Variants in ESRRG observed in about 807,000 individuals in gnomAD.
The protein encoded by ESRRG is estrogen-related receptor gamma.
A neutral mutation model predicts 44.0 loss-of-function variants in ESRRG; 13 were observed. That is an observed-to-expected ratio of 0.30 (90% CI 0.19 to 0.47). ESRRG has a LOEUF of 0.47. ESRRG is among the 20% of genes least tolerant of loss of function. The pLI is 1.00. For missense variants in ESRRG, 395 were observed against 580.6 expected (o/e 0.68, Z 3.29); for synonymous variants, 215 against 214.6 (o/e 1.00, Z -0.02).
intron 1 of ESRRG, among the ~76,000 whole-genome samples, chr1:217,076,433 G>C (rs560401132): frequency 6.6e-6 from 1 of 152,104 alleles, no homozygotes; most frequent in Non-Finnish European, 1.5e-5. Flanking sequence ...CATTTTTCTC[G>C]GTTGAAGGCA....
chr1:216,989,577 T>C (rs1441420197), intron 1 of ESRRG, among the ~76,000 whole-genome samples: 1 of 152,160 alleles, frequency 6.6e-6, no homozygotes, highest in Non-Finnish European at 1.5e-5. Flanking sequence ...CAATTTTTGA[T>C]AGCATGGATG....
upstream of ESRRG, among the ~76,000 whole-genome samples, chr1:216,724,785 A>G (rs2087145126): frequency 6.6e-6 from 1 of 152,150 alleles, no homozygotes; most frequent in Non-Finnish European, 1.5e-5. Context: ...CTTAGGTCCT[A>G]TTTTAATCTA....
chr1:217,099,818 G>C (rs1445737754), intron 1 of ESRRG, among the ~76,000 whole-genome samples: 1 of 152,144 alleles, frequency 6.6e-6, no homozygotes, highest in Non-Finnish European at 1.5e-5. Flanking sequence ...AGGTCAAAGT[G>C]CTGTGAGCAA....
intron 2 of ESRRG, among the ~76,000 whole-genome samples, chr1:216,739,624 A>T (rs2090412381): frequency 6.6e-6 from 1 of 152,200 alleles, no homozygotes; most frequent in Non-Finnish European, 1.5e-5. Flanking sequence ...GATAGGATTC[A>T]GCAATCTGTG....
intron 2 of ESRRG, among the ~76,000 whole-genome samples, chr1:216,663,903 T>C (rs2073197548): frequency 6.6e-6 from 1 of 152,050 alleles, no homozygotes; most frequent in Non-Finnish European, 1.5e-5. Context: ...ATGATAAAAA[T>C]CCAGAGAACT....
chr1:217,099,376 C>CAAAAAAA (rs34591349), intron 1 of ESRRG, among the ~76,000 whole-genome samples: 1 of 138,746 alleles, frequency 7.2e-6, no homozygotes. Flanking sequence ...GTGAGCAGAG[C>CAAAAAAA]AAAAAAAAAA....
intron 2 of ESRRG, among the ~76,000 whole-genome samples, chr1:216,893,139 G>A (rs2058017979): frequency 6.6e-6 from 1 of 152,126 alleles, no homozygotes; most frequent in African/African-American, 2.4e-5. Flanking sequence ...TATGGGACCG[G>A]CTTCCAAGCT....
At chr1:217,135,612 C>T (rs1018714005) in intron 1 of ESRRG, among the ~76,000 whole-genome samples, 1 of 152,040 alleles carries the variant, frequency 6.6e-6, no homozygotes, top group African/African-American at 2.4e-5. Context: ...GCGCGCGAAG[C>T]GGGGTCAGGC....
intron 2 of ESRRG, among the ~76,000 whole-genome samples, chr1:216,658,847 A>C (rs980246692): frequency 3.8e-5 from 5 of 132,418 alleles, no homozygotes; most frequent in Non-Finnish European, 8.1e-5. Context: ...AAAGAAAGTA[A>C]AAGAAGAGAA....
intron 2 of ESRRG, among the ~76,000 whole-genome samples, chr1:216,665,371 A>G (rs2073649764): frequency 1.3e-5 from 2 of 152,188 alleles, no homozygotes; most frequent in African/African-American, 4.8e-5. Flanking sequence ...ATTTTTAAAA[A>G]GAAATCCTGT....
At chr1:216,926,612 G>C (rs1442528920) in intron 2 of ESRRG, among the ~76,000 whole-genome samples, 1 of 152,122 alleles carries the variant, frequency 6.6e-6, no homozygotes, top group Non-Finnish European at 1.5e-5. Flanking sequence ...TAAAACTCTG[G>C]AAAATCAACT....
intron 2 of ESRRG, among the ~76,000 whole-genome samples, chr1:216,660,821 T>C (rs2072146121): frequency 6.6e-6 from 1 of 152,110 alleles, no homozygotes; most frequent in South Asian, 2.1e-4. Context: ...CAAAAAGAAA[T>C]CCCTTAACTT....
intron 3 of ESRRG, among the ~76,000 whole-genome samples, chr1:216,615,373 A>G (rs1181337803): frequency 6.6e-6 from 1 of 152,192 alleles, no homozygotes; most frequent in Admixed American, 6.5e-5. Context: ...TTTTTCTACT[A>G]CGGAGCTCAT....
chr1:216,566,935 AG>A (rs1325457927), intron 4 of ESRRG, among the ~76,000 whole-genome samples: 1 of 152,156 alleles, frequency 6.6e-6, no homozygotes, highest in Non-Finnish European at 1.5e-5. Flanking sequence ...TTTACAGTTC[AG>A]GGTCTGTTTT....
intron 2 of ESRRG, among the ~76,000 whole-genome samples, chr1:216,803,647 T>C (rs2094693478): frequency 6.6e-6 from 1 of 152,176 alleles, no homozygotes; most frequent in Non-Finnish European, 1.5e-5. Context: ...TTCAGGGCTC[T>C]CTGTCGAGCC....
At position 217,015,731 on chromosome 1, in the gene ESRRG, ATT is replaced by A. The variant is rs11347206; in HGVS notation, c.-106+73774_-106+73775del. Among the ~76,000 whole-genome samples the A allele has an allele frequency of 2.5e-4, 35 of 142,090 alleles. 1 individual carries two copies. The highest frequency in any genetic ancestry group is 6.2e-4 in the East Asian group (3 of 4,854). The allele number at this position is 142,090 out of a possible 152,430, so 93.2% of individuals were successfully genotyped here. On this transcript the variant is annotated intron_variant, in intron 1 of 7. Transcript: ENST00000359162. ...GTGGGGGGTGAGAGGGGGCAGCTAG[ATT>A]TTTTTTTTTTTTTGAGACAGAGTTT...
intron 5 of ESRRG, among the ~76,000 whole-genome samples, chr1:216,524,311 T>C (rs1309762268): frequency 1.4e-5 from 2 of 144,766 alleles, no homozygotes; most frequent in Non-Finnish European, 1.5e-5. Context: ...CACACTTTTT[T>C]TTCATGAACT....
At chr1:216,903,375 GT>G (rs1348615435) in intron 2 of ESRRG, among the ~76,000 whole-genome samples, 1 of 151,954 alleles carries the variant, frequency 6.6e-6, no homozygotes, top group African/African-American at 2.4e-5. Context: ...AGCCGTGTGT[GT>G]TTGTGTGTCT....
chr1:217,103,368 G>A (rs1004192917), intron 1 of ESRRG, among the ~76,000 whole-genome samples: 3 of 151,796 alleles, frequency 2.0e-5, no homozygotes, highest in Non-Finnish European at 2.9e-5. Flanking sequence ...ATTTTAGGCC[G>A]GGCACCATGG....
Sources: allele counts gnomAD v4.1 joint callset (sites outside exome capture counted in the v4.1 genomes callset), GRCh38; gene constraint gnomAD v4.1.1; transcripts MANE v1.5; gene names NCBI Gene and HGNC (gene_info 2026-07-23, HGNC 2026-07-21).